TRAF7: variants seen among roughly 807,000 people sequenced by gnomAD.
TRAF7 encodes E3 ubiquitin-protein ligase TRAF7.
Under a neutral mutation model 89.3 loss-of-function variants are expected in TRAF7, and 45 were observed. That is an observed-to-expected ratio of 0.50 (90% CI 0.40 to 0.65). The LOEUF is 0.65. Among genes scored for constraint, TRAF7 ranks in the 30% least tolerant of loss-of-function variants. TRAF7 has a pLI of 0.00. For synonymous variants in TRAF7, 406 were observed against 369.2 expected (o/e 1.10, Z -1.14); for missense variants, 677 against 918.1 (o/e 0.74, Z 3.39).
intron 12 of TRAF7, 21 bp downstream of exon 12, chr16:2,173,857 G>GCGGGGCCGCCCCCCC: frequency 1.2e-6 from 2 of 1,607,506 alleles, no homozygotes; most frequent in Non-Finnish European, 1.7e-6. Flanking sequence ...ACCCGCCGTG[G>GCGGGGCCGCCCCCCC]CTCCCGCCCA....
intron 1 of TRAF7, among the ~76,000 whole-genome samples, chr16:2,160,348 G>A (rs1469883885): frequency 6.6e-6 from 1 of 151,912 alleles, no homozygotes; most frequent in African/African-American, 2.4e-5. Context: ...TGGATGCTGC[G>A]CTTCCTCAAT....
rs1215167696 is a variant in TRAF7 at position 2,176,646 on chromosome 16, G to C, written c.*72G>C. The stretch of plus-strand genomic sequence containing the variant: ...TTTCTGAGCCAGGCTGGCCACATGG[G>C]GTGGTCTCGGGGTTTCTGCCTGCCC... On this transcript the variant is annotated 3_prime_UTR_variant, in exon 21 of 21. Transcript: ENST00000326181. 6.2e-7 allele frequency: 1 copy of C among 1,610,370 alleles called. No individual in the cohort carries two copies. The highest frequency in any genetic ancestry group is 8.5e-7 in the Non-Finnish European group (1 of 1,178,410).
intron 4 of TRAF7, 37 bp from the exon 5 acceptor site, chr16:2,170,577 G>C: frequency 6.5e-7 from 1 of 1,541,492 alleles, no homozygotes; most frequent in Non-Finnish European, 8.9e-7. Flanking sequence ...CTGACCCCGT[G>C]CGGAGCCCCC....
Position 2,163,140 on chromosome 16 carries a change from A to G in TRAF7, c.-38-743A>G, listed in dbSNP as rs1400853088. Among the ~76,000 whole-genome samples the G allele has an allele frequency of 6.6e-6, 1 of 152,042 alleles. No homozygotes were observed. Among genetic ancestry groups the G allele is most frequent in the Non-Finnish European group, 1.5e-5 (1 of 67,974 alleles). On this transcript the variant is annotated intron_variant, in intron 1 of 20. Coordinates refer to ENST00000326181, the MANE Select transcript of TRAF7 (RefSeq NM_032271.3). This position sits in a 1 kb window ranked among gnomAD's most constrained non-coding sequence, Gnocchi z 4.3. ...CCCACGGAGGGGCCACGTCTCCCCC[A>G]GGCCCACCAGCCCCTCTCTTCTGGG...
chr16:2,174,349 T>C lies in TRAF7; in HGVS notation c.1346+16T>C. Reference sequence around the variant, plus strand: ...GCATCCAGGGGTGAGTCCAGGCACATGTGTGATCAGTGATTCCCAGGACAG... The same window carrying C: ...GCATCCAGGGGTGAGTCCAGGCACACGTGTGATCAGTGATTCCCAGGACAG... On this transcript the variant is annotated intron_variant, in intron 14 of 20. Transcript: ENST00000326181. 6.2e-7 allele frequency: 1 copy of C among 1,605,828 alleles called. No individual in the cohort carries two copies. Among genetic ancestry groups the C allele is most frequent in the Non-Finnish European group, 8.5e-7 (1 of 1,174,028 alleles).
In TRAF7 at chr16:2,171,311, G is replaced by T. The variant is rs1392366566; in HGVS notation, c.396G>T (p.Gln132His). 2 of 1,556,330 alleles carry T rather than the reference G, an allele frequency of 1.3e-6. No homozygotes were observed. Among genetic ancestry groups the T allele is most frequent in the African/African-American group, 1.4e-5 (1 of 73,758 alleles). The stretch of plus-strand genomic sequence containing the variant: ...AGCCCTCGGTGAAGCTGTGCTGTCA[G>T]CTCTGCTGCAGCGTCTTCAAAGACC... ...AEQPSVKLCCQLCCSVFKDPV... is the reference protein window; with the variant it reads ...AEQPSVKLCCHLCCSVFKDPV... The change falls in exon 6 of 21, where the codon CAG becomes CAT. Residue 132 changes from glutamine (Q) to histidine (H), a missense_variant. Physicochemically the swap from Gln to His is conservative, Grantham distance 24. Transcript: ENST00000326181.
At position 2,168,253 on chromosome 16, in the gene TRAF7, G is replaced by A. The variant is rs2141280085; in HGVS notation, c.231+85G>A. Reference sequence around the variant, plus strand: ...GGGGAACCAGGTCCCAGGAGGAGTTGACAGTGAGCTGGTGAGGCACAGGAG... The same window carrying A: ...GGGGAACCAGGTCCCAGGAGGAGTTAACAGTGAGCTGGTGAGGCACAGGAG... On this transcript the variant is annotated intron_variant, in intron 4 of 20. Transcript: ENST00000326181. This position sits in a 1 kb window ranked among gnomAD's most constrained non-coding sequence, Gnocchi z 4.1. 8.4e-7 allele frequency: 1 copy of A among 1,187,026 alleles called. No individual in the cohort carries two copies. The allele number at this position is 1,187,026 out of a possible 1,614,324, so 73.5% of individuals were successfully genotyped here.
chr16:2,164,159 T>TGCGCGCGCGCGC (rs61245743), intron 2 of TRAF7, among the ~76,000 whole-genome samples, 158 bp downstream of exon 2: 6 of 126,134 alleles, frequency 4.8e-5, no homozygotes, highest in East Asian at 2.4e-4. Flanking sequence ...TGTGTGTGTG[T>TGCGCGCGCGCGC]GCGCGCGCGC....
At position 2,165,721 on chromosome 16, in the gene TRAF7, C is replaced by T. The variant is rs570878810; in HGVS notation, c.82-158C>T. 60 of 755,078 alleles carry T rather than the reference C, an allele frequency of 7.9e-5. No homozygotes were observed. The East Asian group carries it at 1.3e-3, about 16-fold the overall frequency. 46.8% of individuals were successfully genotyped at this position (755,078 alleles called of 1,614,324 possible). The stretch of plus-strand genomic sequence containing the variant: ...GGCGCGGCCTGGTCGCATGATTAAG[C>T]GTGTGAGTGCTGCGTGGCGTGGCCT... On this transcript the variant is annotated intron_variant, in intron 2 of 20. Coordinates refer to ENST00000326181, the MANE Select transcript of TRAF7 (RefSeq NM_032271.3).
In TRAF7 at chr16:2,171,157, G is replaced by A. The variant is rs559109213; in HGVS notation, c.349-107G>A. The A allele has an allele frequency of 2.9e-5, 26 of 892,962 alleles. No individual in the cohort carries two copies. In the African/African-American group the frequency reaches 4.1e-4, roughly 14 times the overall value. 55.3% of individuals were successfully genotyped at this position (892,962 alleles called of 1,614,324 possible). On this transcript the variant is annotated intron_variant, in intron 5 of 20. Coordinates refer to ENST00000326181, the MANE Select transcript of TRAF7 (RefSeq NM_032271.3). ...CAGGCCTCTCTCAGGACGTGACCCT[G>A]TCCTCAGAGGACAGCCAGGCCTGGA... is the stretch of plus-strand genomic sequence containing the variant.
Position 2,176,337 on chromosome 16 carries a change from G to A in TRAF7, c.1951G>A (p.Val651Met). Reference protein sequence around the residue: ...RHQGSVTALAVSRGRLFSGAV... With the variant: ...RHQGSVTALAMSRGRLFSGAV... ...CCAGGGCAGTGTCACCGCGCTGGCT[G>A]TGTCCCGGGGCCGACTCTTCTCAGG... is the stretch of plus-strand genomic sequence containing the variant. Residue 651 changes from valine to methionine, a missense_variant, in exon 20 of 21, where the codon GTG becomes ATG. Val to Met is a conservative substitution (Grantham distance 21). This residue lies in a region of TRAF7 where 23 missense variants were observed against 31.7 expected (regional missense o/e 0.73). Coordinates refer to ENST00000326181, the MANE Select transcript of TRAF7 (RefSeq NM_032271.3). 6.2e-7 allele frequency: 1 copy of A among 1,604,624 alleles called. No individual in the cohort carries two copies. The highest frequency in any genetic ancestry group is 8.5e-7 in the Non-Finnish European group (1 of 1,178,054).
At chr16:2,175,026 C>T in intron 14 of TRAF7, 85 bp from the exon 15 acceptor site, 2 of 1,553,048 alleles carry the variant, frequency 1.3e-6, no homozygotes, top group Non-Finnish European at 1.8e-6. Flanking sequence ...TTCCTGATGG[C>T]TGGCATGGAC....
At chr16:2,157,283 G>C (rs576765862) in intron 1 of TRAF7, among the ~76,000 whole-genome samples, 4 of 152,260 alleles carry the variant, frequency 2.6e-5, no homozygotes, top group African/African-American at 7.2e-5. Context: ...TGTCCTGAGG[G>C]GGAGCAGTGG....
At position 2,158,681 on chromosome 16, in the gene TRAF7, G is replaced by A. The variant is rs905905114; in HGVS notation, c.-39+2823G>A. The stretch of plus-strand genomic sequence containing the variant: ...TTTATGTCAGCTCCCTGCTGCTGCA[G>A]GGCAGAAGGAAGGAGGGAGCCCGGG... On this transcript the variant is annotated intron_variant, in intron 1 of 20. Coordinates refer to ENST00000326181, the MANE Select transcript of TRAF7 (RefSeq NM_032271.3). The surrounding 1 kb of genome is among the most constrained non-coding windows in gnomAD (Gnocchi z 4.7). Among the ~76,000 whole-genome samples, 3 of 151,996 alleles carry A rather than the reference G, an allele frequency of 2.0e-5. No homozygotes were observed. The highest frequency in any genetic ancestry group is 1.9e-4 in the East Asian group (1 of 5,178).
chr16:2,174,383 G>A, intron 14 of TRAF7, 50 bp downstream of exon 14: 1 of 1,581,710 alleles, frequency 6.3e-7, no homozygotes, highest in Non-Finnish European at 8.6e-7. Flanking sequence ...AGGAGACGTG[G>A]CGCTGCCACC....
Position 2,163,595 on chromosome 16 carries a change from C to T in TRAF7, c.-38-288C>T. ...GGAGTAGAGGGAGCCAGGCAGGGGT[C>T]CCTCCACCTCGGGGAAGAGCTGGAT... is the stretch of plus-strand genomic sequence containing the variant. On this transcript the variant is annotated intron_variant, in intron 1 of 20. Coordinates refer to ENST00000326181, the MANE Select transcript of TRAF7 (RefSeq NM_032271.3). The surrounding 1 kb of genome is among the most constrained non-coding windows in gnomAD (Gnocchi z 4.3). The T allele has an allele frequency of 5.2e-6, 2 of 386,292 alleles. No homozygotes were observed. Among genetic ancestry groups the T allele is most frequent in the Non-Finnish European group, 4.9e-6 (1 of 204,982 alleles). 23.9% of individuals were successfully genotyped at this position (386,292 alleles called of 1,614,324 possible). A position where few individuals can be genotyped will look rare whatever the true frequency, so the allele number is the denominator to read the frequency against.
rs908150975 is a variant in TRAF7, at chr16:2,176,757, C to T, written c.*183C>T. The T allele has an allele frequency of 2.4e-6, 2 of 849,232 alleles. No individual in the cohort carries two copies. The highest frequency in any genetic ancestry group is 3.3e-5 in the African/African-American group (2 of 59,792). The allele number at this position is 849,232 out of a possible 1,614,324, so 52.6% of individuals were successfully genotyped here. On this transcript the variant is annotated 3_prime_UTR_variant, in exon 21 of 21. Transcript: ENST00000326181. ...CGAGCCTCCCTCTACTCGGCACTGT[C>T]CTTGCTGCCCAGCCCCTCTCTGGGT... is the stretch of plus-strand genomic sequence containing the variant.
intron 1 of TRAF7, among the ~76,000 whole-genome samples, chr16:2,160,657 G>A (rs963019384): frequency 1.3e-5 from 2 of 152,164 alleles, no homozygotes; most frequent in South Asian, 2.1e-4. Flanking sequence ...GCCACTAGCT[G>A]CCCCCATGGC....
At chr16:2,160,963 C>G (rs2093055988) in intron 1 of TRAF7, among the ~76,000 whole-genome samples, 1 of 152,102 alleles carries the variant, frequency 6.6e-6, no homozygotes, top group Non-Finnish European at 1.5e-5. Flanking sequence ...AAACTTACTG[C>G]AAAACCCAGT....
Sources: allele counts gnomAD v4.1 joint callset (sites outside exome capture counted in the v4.1 genomes callset), GRCh38; gene constraint gnomAD v4.1.1; regional missense constraint gnomAD v4.1.1; non-coding constraint Gnocchi (gnomAD v3.1); transcripts MANE v1.5; gene names NCBI Gene and HGNC (gene_info 2026-07-23, HGNC 2026-07-21).